The following VPS8 variants were observed in gnomAD, a reference collection of about 807,000 sequenced individuals.
VPS8 encodes the protein VPS8 subunit of CORVET complex.
A neutral mutation model predicts 216.4 loss-of-function variants in VPS8; 129 were observed. The ratio of observed to expected loss-of-function variants is 0.60; its 90% CI spans 0.52 to 0.69. The LOEUF is 0.69. VPS8 is among the 30% of genes least tolerant of loss of function. The probability of loss-of-function intolerance (pLI) is 0.00; values close to 1 mark genes in which losing one functional copy is unlikely to be tolerated. For missense variants in VPS8, 1,531 were observed against 1,683.5 expected (o/e 0.91, Z 1.59); for synonymous variants, 571 against 565.4 (o/e 1.01, Z -0.14).
chr3:184,871,617 A>T (rs7644749), intron 21 of VPS8, among the ~76,000 whole-genome samples: 71,462 of 151,924 alleles, frequency 0.47, 17,828 homozygotes, highest in East Asian at 0.67. Flanking sequence ...GAAACAGGCT[A>T]TGGGCAGGAT....
chr3:185,018,499 G>T (rs527842749), intron 45 of VPS8, among the ~76,000 whole-genome samples: 3 of 152,158 alleles, frequency 2.0e-5, no homozygotes, highest in African/African-American at 7.2e-5. Context: ...ATTAATTTGC[G>T]GTTGGGCCTG....
intron 25 of VPS8, among the ~76,000 whole-genome samples, chr3:184,902,501 AT>A (rs201291790): frequency 0.043 from 6,412 of 150,094 alleles, 182 homozygotes; most frequent in Non-Finnish European, 0.063. Context: ...CATCTTATTA[AT>A]TTTTTTTTGT....
chr3:184,824,858 ACT>A (rs1383851841), intron 2 of VPS8, 73 bp downstream of exon 2: 2 of 1,416,698 alleles, frequency 1.4e-6, no homozygotes, highest in African/African-American at 2.9e-5. Flanking sequence ...TGACCCAGAG[ACT>A]CTAAGTCTGT....
intron 21 of VPS8, among the ~76,000 whole-genome samples, chr3:184,871,206 T>TAC (rs756411893): frequency 6.7e-6 from 1 of 149,852 alleles, no homozygotes; most frequent in East Asian, 1.9e-4. Flanking sequence ...CAATCACAAA[T>TAC]ATATATATAT....
chr3:185,021,795 C>T (rs561988445), intron 45 of VPS8, among the ~76,000 whole-genome samples: 1 of 152,164 alleles, frequency 6.6e-6, no homozygotes, highest in South Asian at 2.1e-4. Context: ...ATAGCGATGG[C>T]GACAGTGATA....
At chr3:184,916,154 C>T (rs1315918731) in intron 28 of VPS8, among the ~76,000 whole-genome samples, 2 of 152,084 alleles carry the variant, frequency 1.3e-5, no homozygotes, top group South Asian at 2.1e-4. Context: ...TAGCTGGAGT[C>T]GAAATGGAAC....
chr3:184,915,425 G>A lies in VPS8; in HGVS notation c.2333G>A (p.Arg778Gln), dbSNP rs372164376. Residue 778 changes from arginine to glutamine, a missense_variant, in exon 28 of 48, where the codon CGG becomes CAG. Physicochemically the swap from Arg to Gln is conservative, Grantham distance 43. Transcript: ENST00000625842. ...SPEEEIYPYI[R>Q]TLLHFDTREF... ...GAGGAAGAAATCTATCCTTACATTCGGACTTTGCTACATTTTGACACAAGA... is the reference window on the plus strand; with the variant it reads ...GAGGAAGAAATCTATCCTTACATTCAGACTTTGCTACATTTTGACACAAGA... 8.1e-6 allele frequency: 13 copies of A among 1,613,622 alleles called. No individual in the cohort carries two copies. The highest frequency in any genetic ancestry group is 1.7e-5 in the Admixed American group (1 of 59,986).
intron 40 of VPS8, among the ~76,000 whole-genome samples, chr3:184,975,563 C>G (rs1234900834): frequency 1.3e-5 from 2 of 151,984 alleles, no homozygotes; most frequent in Non-Finnish European, 2.9e-5. Flanking sequence ...CCTTATTGCT[C>G]TAGCTAGGAT....
At chr3:184,910,610 G>A (rs922246976) in intron 25 of VPS8, among the ~76,000 whole-genome samples, 2 of 152,216 alleles carry the variant, frequency 1.3e-5, no homozygotes, top group East Asian at 3.9e-4. Context: ...CACTTCAGAT[G>A]TGGGCAGACA....
At chr3:184,854,271 A>G in intron 13 of VPS8, 98 bp downstream of exon 13, 4 of 1,342,422 alleles carry the variant, frequency 3.0e-6, no homozygotes, top group Non-Finnish European at 4.2e-6. Context: ...GATTGTCAGA[A>G]AACTAGACAG....
intron 42 of VPS8, among the ~76,000 whole-genome samples, chr3:184,993,681 G>A (rs527363806): frequency 6.6e-6 from 1 of 152,154 alleles, no homozygotes; most frequent in Non-Finnish European, 1.5e-5. Flanking sequence ...CAAAGAGGGA[G>A]AGTTGCTGTT....
chr3:184,997,322 T>C (rs1252475217), intron 44 of VPS8, among the ~76,000 whole-genome samples: 1 of 152,358 alleles, frequency 6.6e-6, no homozygotes, highest in South Asian at 2.1e-4. Flanking sequence ...GGACAAGTTA[T>C]TTAACCTCTT....
intron 21 of VPS8, among the ~76,000 whole-genome samples, chr3:184,873,497 A>G (rs755971606): frequency 6.6e-6 from 1 of 152,126 alleles, no homozygotes; most frequent in South Asian, 2.1e-4. Context: ...TAAGGTGGCT[A>G]CTGTTACTAT....
chr3:184,903,016 A>G (rs9829708), intron 25 of VPS8, among the ~76,000 whole-genome samples: 5 of 152,178 alleles, frequency 3.3e-5, no homozygotes, highest in Non-Finnish European at 5.9e-5. Flanking sequence ...AGTTATTCCC[A>G]TAAGTCTTAC....
chr3:184,936,560 T>TGTGTGTGTGG (rs1002254750), intron 35 of VPS8, among the ~76,000 whole-genome samples: 1 of 148,414 alleles, frequency 6.7e-6, no homozygotes, highest in Admixed American at 6.7e-5. Flanking sequence ...TGTGTGTGTG[T>TGTGTGTGTGG]GGTTGGGAGC....
intron 42 of VPS8, among the ~76,000 whole-genome samples, chr3:184,983,382 G>T (rs1750532643): frequency 6.6e-6 from 1 of 151,940 alleles, no homozygotes; most frequent in Non-Finnish European, 1.5e-5. Flanking sequence ...GTTTCCTATT[G>T]GTTTGCTAAC....
chr3:184,955,558 G>A (rs544882669), intron 36 of VPS8, among the ~76,000 whole-genome samples: 3 of 151,364 alleles, frequency 2.0e-5, no homozygotes, highest in Admixed American at 6.6e-5. Context: ...GCTGGTCTCC[G>A]CGTCTTGGTG....
chr3:184,969,418 AC>A (rs63382562), intron 39 of VPS8, among the ~76,000 whole-genome samples: 508 of 47,776 alleles, frequency 0.011, 5 homozygotes, highest in Middle Eastern at 0.028. Context: ...ACCCAGCCCC[AC>A]CCCCCCCCCT....
chr3:185,032,427 A>G (rs1758302480), intron 46 of VPS8, among the ~76,000 whole-genome samples: 1 of 152,136 alleles, frequency 6.6e-6, no homozygotes, highest in East Asian at 1.9e-4. Context: ...GTGGGTAAAC[A>G]AAGCTAGAAA....
Sources: allele counts gnomAD v4.1 joint callset (sites outside exome capture counted in the v4.1 genomes callset), GRCh38; gene constraint gnomAD v4.1.1; transcripts MANE v1.5; gene names NCBI Gene and HGNC (gene_info 2026-07-23, HGNC 2026-07-21).